The following CTIF variants were observed in gnomAD, a reference collection of about 807,000 sequenced individuals.
The protein encoded by CTIF is CBP80/20-dependent translation initiation factor.
CTIF carries 21 observed loss-of-function variants against 66.0 expected under a neutral mutation model. That is an observed-to-expected ratio of 0.32 (90% CI 0.23 to 0.46). The LOEUF is 0.46. CTIF is among the 20% of genes least tolerant of loss of function. CTIF has a pLI of 1.00. For synonymous variants in CTIF, 345 were observed against 326.4 expected, an observed-to-expected ratio of 1.06 and a Z score of -0.62; for missense variants, 739 against 812.7, an observed-to-expected ratio of 0.91 and a Z score of 1.10.
At chr18:48,853,231 A>ATTGT (rs1221604593) in intron 10 of CTIF, among the ~76,000 whole-genome samples, 35 of 152,282 alleles carry the variant, frequency 2.3e-4, no homozygotes, top group African/African-American at 8.2e-4. Context: ...CAATAGGCAA[A>ATTGT]CAAGTATATA....
chr18:48,655,685 G>A (rs75961414), intron 3 of CTIF, among the ~76,000 whole-genome samples: 2,536 of 152,236 alleles, frequency 0.017, 26 homozygotes, highest in African/African-American at 0.023. Flanking sequence ...TCAGGAGGCC[G>A]GGGCTGAGGG....
chr18:48,818,555 A>G (rs2068417471), intron 10 of CTIF, among the ~76,000 whole-genome samples: 2 of 152,146 alleles, frequency 1.3e-5, no homozygotes, highest in East Asian at 3.9e-4. Flanking sequence ...GAGGTCACGC[A>G]TGGAGGTAGG....
chr18:48,641,467 C>T (rs1217060772), intron 3 of CTIF, among the ~76,000 whole-genome samples: 1 of 152,166 alleles, frequency 6.6e-6, no homozygotes, highest in African/African-American at 2.4e-5. Flanking sequence ...CACCTGAAGC[C>T]CTGGGAAAGA....
chr18:48,850,980 T>A (rs2069187068), intron 10 of CTIF, among the ~76,000 whole-genome samples: 1 of 152,246 alleles, frequency 6.6e-6, no homozygotes, highest in South Asian at 2.1e-4. Context: ...CTTCCCTGAC[T>A]TCCTTGAGAA....
At chr18:48,803,300 C>T (rs2068082161) in intron 9 of CTIF, among the ~76,000 whole-genome samples, 1 of 152,222 alleles carries the variant, frequency 6.6e-6, no homozygotes, top group African/African-American at 2.4e-5. Context: ...TTTCCAGCCA[C>T]AGTGTCATGA....
At chr18:48,550,157 C>A (rs761798610) in intron 1 of CTIF, among the ~76,000 whole-genome samples, 16 of 152,154 alleles carry the variant, frequency 1.1e-4, no homozygotes, top group Non-Finnish European at 5.9e-5. Flanking sequence ...GACATGGGTT[C>A]TGTGGTCTGT....
chr18:48,561,594 C>A (rs954701162), intron 1 of CTIF, among the ~76,000 whole-genome samples: 3 of 152,192 alleles, frequency 2.0e-5, no homozygotes, highest in Admixed American at 6.5e-5. Context: ...CATCCCTGTG[C>A]CCCACTTTCA....
At chr18:48,653,657 C>T (rs569360181) in intron 3 of CTIF, among the ~76,000 whole-genome samples, 22 of 152,252 alleles carry the variant, frequency 1.4e-4, no homozygotes, top group South Asian at 2.1e-4. Context: ...AAAAAGAGCC[C>T]GCATTGCCAA....
intron 10 of CTIF, among the ~76,000 whole-genome samples, chr18:48,833,431 T>C (rs1003436331): frequency 1.3e-5 from 2 of 150,760 alleles, no homozygotes; most frequent in Non-Finnish European, 3.0e-5. Flanking sequence ...CCTGCAGCCC[T>C]CTGGGAAAGA....
Position 48,718,641 on chromosome 18 carries a change from C to T in CTIF, c.584+6946C>T, listed in dbSNP as rs541146749. Among the ~76,000 whole-genome samples the T allele has an allele frequency of 4.6e-5, 7 of 152,222 alleles. No individual in the cohort carries two copies. The South Asian group carries it at 1.5e-3, about 32-fold the overall frequency. ...TGGGCCCTTGGCGGATTGGATGGTG[C>T]CCATCCACACTGGGAGAGAGATCTT... is the stretch of plus-strand genomic sequence containing the variant. On this transcript the variant is annotated intron_variant, in intron 7 of 11. Transcript: ENST00000256413.
Position 48,767,998 on chromosome 18 carries a change from C to G in CTIF, c.1371+6309C>G, listed in dbSNP as rs550888622. The stretch of plus-strand genomic sequence containing the variant: ...AGATGTATCTTACCCATACCTCATC[C>G]TGGATGTGTGTGTTGCCCCCACTTC... On this transcript the variant is annotated intron_variant, in intron 9 of 11. Coordinates refer to ENST00000256413, the MANE Select transcript of CTIF (RefSeq NM_014772.3). Among the ~76,000 whole-genome samples, 22 of 152,246 alleles carry G rather than the reference C, an allele frequency of 1.4e-4. No individual in the cohort carries two copies. In the South Asian group the frequency reaches 4.6e-3, roughly 32 times the overall value.
intron 9 of CTIF, among the ~76,000 whole-genome samples, chr18:48,765,428 A>G (rs1045489738): frequency 5.9e-5 from 9 of 152,176 alleles, no homozygotes; most frequent in Admixed American, 5.2e-4. Context: ...GCAGGCTACA[A>G]AGGGGCCAGG....
chr18:48,698,221 A>G (rs1235631694), intron 6 of CTIF, among the ~76,000 whole-genome samples: 1 of 149,636 alleles, frequency 6.7e-6, no homozygotes, highest in Non-Finnish European at 1.5e-5. Context: ...AAATGACAAA[A>G]TGCTGCTTTC....
At chr18:48,777,363 C>T (rs892871898) in intron 9 of CTIF, among the ~76,000 whole-genome samples, 3 of 152,206 alleles carry the variant, frequency 2.0e-5, no homozygotes, top group Non-Finnish European at 4.4e-5. Flanking sequence ...ATGGTGACCG[C>T]CACCAAGCCA....
At chr18:48,567,726 G>A (rs2089309825) in intron 1 of CTIF, 1 of 152,194 alleles carries the variant, frequency 6.6e-6, no homozygotes, top group Non-Finnish European at 1.5e-5. Flanking sequence ...TGTGCTCATG[G>A]GACAGAGTGA....
chr18:48,540,700 G>A (rs1223429585), intron 1 of CTIF, among the ~76,000 whole-genome samples: 3 of 152,074 alleles, frequency 2.0e-5, no homozygotes, highest in Admixed American at 6.5e-5. Flanking sequence ...CCCCCGCCCG[G>A]CTGTTTGTGT....
chr18:48,746,130 C>T (rs2092594455), intron 7 of CTIF, among the ~76,000 whole-genome samples: 1 of 152,234 alleles, frequency 6.6e-6, no homozygotes, highest in Admixed American at 6.5e-5. Flanking sequence ...GGAAGCCCAA[C>T]CGGCTCCTCT....
chr18:48,592,793 C>G (rs185307574), intron 1 of CTIF, among the ~76,000 whole-genome samples: 1 of 152,146 alleles, frequency 6.6e-6, no homozygotes, highest in African/African-American at 2.4e-5. Context: ...TCTCATCAGC[C>G]GGGAAGAATC....
chr18:48,769,877 G>A (rs1909939260), intron 9 of CTIF, among the ~76,000 whole-genome samples: 1 of 152,190 alleles, frequency 6.6e-6, no homozygotes, highest in Admixed American at 6.5e-5. Context: ...GCCCTCCACT[G>A]TGGTCTTTCA....
Sources: allele counts gnomAD v4.1 joint callset (sites outside exome capture counted in the v4.1 genomes callset), GRCh38; gene constraint gnomAD v4.1.1; transcripts MANE v1.5; gene names NCBI Gene and HGNC (gene_info 2026-07-23, HGNC 2026-07-21).